CYRIB: variants seen among roughly 807,000 people sequenced by gnomAD.
The protein encoded by CYRIB is CYFIP-related Rac1 interactor B.
In CYRIB, 8 loss-of-function variants were observed where a neutral mutation model predicts 44.2. The ratio of observed to expected loss-of-function variants is 0.18; its 90% CI spans 0.11 to 0.33. The LOEUF is 0.33. Among genes scored for constraint, CYRIB ranks in the 10% least tolerant of loss-of-function variants. CYRIB has a pLI of 1.00. For missense variants in CYRIB, 185 were observed against 382.8 expected, an observed-to-expected ratio of 0.48 and a Z score of 4.31; for synonymous variants, 131 against 127.2, an observed-to-expected ratio of 1.03 and a Z score of -0.20.
At chr8:129,918,241 C>T (rs1430938821) in intron 1 of CYRIB, among the ~76,000 whole-genome samples, 2 of 152,078 alleles carry the variant, frequency 1.3e-5, no homozygotes, top group Non-Finnish European at 2.9e-5. Flanking sequence ...CAGGATTGCC[C>T]AATCCCAGAT....
At chr8:129,859,727 G>C (rs139866118) in intron 5 of CYRIB, among the ~76,000 whole-genome samples, 1 of 152,174 alleles carries the variant, frequency 6.6e-6, no homozygotes, top group African/African-American at 2.4e-5. Context: ...TATGATTATA[G>C]AGCGAGGATT....
chr8:130,007,958 C>T (rs1229314365), intron 1 of CYRIB, among the ~76,000 whole-genome samples: 2 of 152,194 alleles, frequency 1.3e-5, no homozygotes, highest in Non-Finnish European at 2.9e-5. Flanking sequence ...CCTGTAATCC[C>T]AGCACTTTAG....
At position 129,912,679 on chromosome 8, in the gene CYRIB, A is replaced by G. The variant is rs560994881; in HGVS notation, c.-49-9329T>C. On this transcript the variant is annotated intron_variant, in intron 1 of 11. Coordinates refer to ENST00000519824, the Ensembl canonical transcript of CYRIB. Reference sequence around the variant, plus strand: ...CTTTATTTTTATTTTTTTATTTTAGAGACAGGGTCTTATTAGGATGCCCAG... The same window carrying G: ...CTTTATTTTTATTTTTTTATTTTAGGGACAGGGTCTTATTAGGATGCCCAG... 3.9e-5 allele frequency among the ~76,000 whole-genome samples: 6 copies of G among 152,122 alleles called. No homozygotes were observed. In the East Asian group the frequency reaches 1.2e-3, roughly 29 times the overall value.
chr8:129,987,344 G>A (rs965258917), intron 1 of CYRIB, among the ~76,000 whole-genome samples: 1 of 152,044 alleles, frequency 6.6e-6, no homozygotes, highest in Non-Finnish European at 1.5e-5. Context: ...AATGTTCTGC[G>A]GGTTAATGAG....
chr8:129,952,295 A>G (rs1216864827), intron 2 of CYRIB, among the ~76,000 whole-genome samples: 1 of 152,210 alleles, frequency 6.6e-6, no homozygotes, highest in Non-Finnish European at 1.5e-5. Flanking sequence ...TCCCGACCTC[A>G]GGTGATCTGC....
At chr8:129,931,772 G>A (rs1455274473) in intron 1 of CYRIB, among the ~76,000 whole-genome samples, 4 of 151,590 alleles carry the variant, frequency 2.6e-5, no homozygotes, top group South Asian at 2.1e-4. Context: ...GATTACAGGC[G>A]TGCACCACCA....
chr8:129,984,386 T>C (rs2096371583), intron 1 of CYRIB, among the ~76,000 whole-genome samples: 1 of 152,090 alleles, frequency 6.6e-6, no homozygotes, highest in Admixed American at 6.5e-5. Context: ...GCGGGAGGCC[T>C]AATCCATGCA....
intron 11 of CYRIB, among the ~76,000 whole-genome samples, chr8:129,845,325 A>C (rs1448812741): frequency 6.6e-6 from 1 of 152,222 alleles, no homozygotes; most frequent in Non-Finnish European, 1.5e-5. Flanking sequence ...CAGAAAGACA[A>C]AGTCTTGGGA....
intron 1 of CYRIB, among the ~76,000 whole-genome samples, chr8:129,925,585 A>G (rs746104759): frequency 2.0e-5 from 3 of 152,050 alleles, no homozygotes; most frequent in Non-Finnish European, 4.4e-5. Context: ...CACTTCTCTC[A>G]GGTGGCCCTC....
Position 129,965,248 on chromosome 8 carries a change from C to CTGTGTGTG in CYRIB, c.-243+5687_-243+5694dup, listed in dbSNP as rs3077879. Reference sequence around the variant, plus strand: ...GAGATATACAGAATTCCCCCAGACACTGTGTGTGTGTGTGTGTGTGTGTGT... The same window carrying CTGTGTGTG: ...GAGATATACAGAATTCCCCCAGACACTGTGTGTGTGTGTGTGTGTGTGTGTGTGTGTGT... On this transcript the variant is annotated intron_variant, in intron 2 of 14. Coordinates refer to the CYRIB transcript ENST00000401979. 5.2e-3 allele frequency among the ~76,000 whole-genome samples: 778 copies of CTGTGTGTG among 148,778 alleles called. 5 individuals carry two copies. Among genetic ancestry groups the CTGTGTGTG allele is most frequent in the African/African-American group, 9.3e-3 (377 of 40,408 alleles).
At chr8:129,889,868 G>A (rs1388746418) in intron 2 of CYRIB, among the ~76,000 whole-genome samples, 2 of 151,792 alleles carry the variant, frequency 1.3e-5, no homozygotes, top group Non-Finnish European at 2.9e-5. Flanking sequence ...TCAGCTCTCG[G>A]GTTCAAGCAA....
At chr8:129,982,562 C>G (rs1405400506) in intron 1 of CYRIB, among the ~76,000 whole-genome samples, 1 of 152,188 alleles carries the variant, frequency 6.6e-6, no homozygotes, top group Non-Finnish European at 1.5e-5. Context: ...GACTCATTTA[C>G]CAATACAGCA....
In CYRIB at chr8:129,997,119, A is replaced by G. The variant is rs1033513100; in HGVS notation, c.-296+19251T>C. ...GAGGGAAGGAAGGAAGGAAGGAAGG[A>G]AGGAGGAGGAGGAGGAGGAGGGAGG... On this transcript the variant is annotated intron_variant, in intron 1 of 14. Transcript: ENST00000401979. Among the ~76,000 whole-genome samples the G allele has an allele frequency of 5.6e-5, 5 of 89,894 alleles. No individual in the cohort carries two copies. The Admixed American group carries it at 5.7e-4, about 10-fold the overall frequency. The allele number at this position is 89,894 out of a possible 152,430, so 59.0% of individuals were successfully genotyped here.
chr8:129,885,152 T>C (rs1182951449), intron 2 of CYRIB, among the ~76,000 whole-genome samples: 1 of 152,258 alleles, frequency 6.6e-6, no homozygotes, highest in African/African-American at 2.4e-5. Context: ...AGGTACTTTT[T>C]AATTTTGTCT....
chr8:129,875,759 A>G lies in CYRIB; in HGVS notation c.73+3630T>C, dbSNP rs143459733. On this transcript the variant is annotated intron_variant, in intron 3 of 11. Transcript: ENST00000519824. ...CCTTCTTTCTACTGTCCTTTACTGTATTAGTTCAAAACATTCTAATTCACT... is the reference window on the plus strand; with the variant it reads ...CCTTCTTTCTACTGTCCTTTACTGTGTTAGTTCAAAACATTCTAATTCACT... Among the ~76,000 whole-genome samples, 653 of 152,230 alleles carry G rather than the reference A, an allele frequency of 4.3e-3. 5 individuals carry two copies. In the Middle Eastern group the frequency reaches 0.044, roughly 10 times the overall value.
At chr8:130,015,262 G>C (rs760159384) in intron 1 of CYRIB, among the ~76,000 whole-genome samples, 5 of 152,132 alleles carry the variant, frequency 3.3e-5, no homozygotes, top group Non-Finnish European at 5.9e-5. Context: ...TTATCTATGG[G>C]GTGCTTCCCA....
chr8:130,008,133 C>T (rs190451953), intron 1 of CYRIB, among the ~76,000 whole-genome samples: 1 of 151,742 alleles, frequency 6.6e-6, no homozygotes, highest in African/African-American at 2.4e-5. Flanking sequence ...TGCTTGAACC[C>T]GGGAGGTGGA....
intron 2 of CYRIB, among the ~76,000 whole-genome samples, chr8:129,960,775 C>A (rs1478628993): frequency 2.7e-5 from 4 of 150,106 alleles, no homozygotes; most frequent in African/African-American, 9.8e-5. Flanking sequence ...CATGGTGAAA[C>A]CCCCATCTCC....
At chr8:129,923,895 A>G (rs1248262541) in intron 1 of CYRIB, among the ~76,000 whole-genome samples, 1 of 150,092 alleles carries the variant, frequency 6.7e-6, no homozygotes, top group African/African-American at 2.5e-5. Flanking sequence ...ATTCTGCTAT[A>G]GATGATAATT....
Sources: gnomAD v4.1 joint callset for allele counts (sites outside exome capture counted in the v4.1 genomes callset) on GRCh38, gnomAD v4.1.1 for gene constraint, MANE v1.5 for transcripts, NCBI Gene and HGNC (gene_info 2026-07-23, HGNC 2026-07-21) for gene names.